SIDT1: variants seen among roughly 807,000 people sequenced by gnomAD.
SIDT1 encodes SID1 transmembrane family member 1, also known as SID1 transmembrane family, member 1.
A neutral mutation model predicts 107.5 loss-of-function variants in SIDT1; 101 were observed. The observed-to-expected ratio is 0.94, with a 90% CI of 0.80 to 1.11. The LOEUF is 1.11. Ranked by LOEUF, SIDT1 falls within the 50% of genes least tolerant of loss-of-function variation. The pLI is 0.00. For missense variants in SIDT1, 1,076 were observed against 1,058.2 expected (o/e 1.02, Z -0.23); for synonymous variants, 395 against 398.2 (o/e 0.99, Z 0.10).
In SIDT1 at chr3:113,551,952, G is replaced by A. The variant is rs190731695; in HGVS notation, c.223-14468G>A. On this transcript the variant is annotated intron_variant, in intron 1 of 24. Coordinates refer to ENST00000264852, the MANE Select transcript of SIDT1 (RefSeq NM_017699.3). Reference sequence around the variant, plus strand: ...AGCAGTTGGCCTGTCTGTTACTTCAGGGAAGTGTTATTCCTGAGAACTGGT... The same window carrying A: ...AGCAGTTGGCCTGTCTGTTACTTCAAGGAAGTGTTATTCCTGAGAACTGGT... 2.6e-5 allele frequency among the ~76,000 whole-genome samples: 4 copies of A among 152,152 alleles called. No homozygotes were observed. In the East Asian group the frequency reaches 5.8e-4, roughly 22 times the overall value.
intron 1 of SIDT1, 60 bp downstream of exon 1, chr3:113,533,303 G>A (rs2107539051): frequency 7.8e-7 from 1 of 1,284,922 alleles, no homozygotes; most frequent in East Asian, 3.1e-5. Context: ...GAGCCCCGTC[G>A]CTGCTTTGGA....
chr3:113,535,114 A>G (rs1937965679), intron 1 of SIDT1, among the ~76,000 whole-genome samples: 1 of 152,170 alleles, frequency 6.6e-6, no homozygotes, highest in South Asian at 2.1e-4. Context: ...TCTACAAAAA[A>G]TTAAAAAATT....
chr3:113,584,790 G>C lies in SIDT1; in HGVS notation c.907+21G>C, dbSNP rs764990988. On this transcript the variant is annotated intron_variant, in intron 8 of 24. Transcript: ENST00000264852. Reference sequence around the variant, plus strand: ...TAAAGGTCAGTGTTGGCTCCAGAATGCATTGAAGAGATTCCTGTGTCAGAA... The same window carrying C: ...TAAAGGTCAGTGTTGGCTCCAGAATCCATTGAAGAGATTCCTGTGTCAGAA... 7 of 1,502,446 alleles carry C rather than the reference G, an allele frequency of 4.7e-6. No homozygotes were observed. The South Asian group carries it at 8.7e-5, about 19-fold the overall frequency. 93.1% of individuals were successfully genotyped at this position (1,502,446 alleles called of 1,614,324 possible).
intron 1 of SIDT1, among the ~76,000 whole-genome samples, chr3:113,556,111 T>C (rs1375818399): frequency 1.3e-5 from 2 of 152,142 alleles, no homozygotes; most frequent in Non-Finnish European, 1.5e-5. Flanking sequence ...GGCGAGATAA[T>C]TTAAGTGATT....
At chr3:113,587,561 C>T (rs552355592) in intron 9 of SIDT1, among the ~76,000 whole-genome samples, 1 of 152,286 alleles carries the variant, frequency 6.6e-6, no homozygotes, top group East Asian at 1.9e-4. Context: ...TAGTGTCATA[C>T]TCTTCCATTT....
At chr3:113,636,646 G>A in the SIDT1 span, among the ~76,000 whole-genome samples, 2 of 152,160 alleles carry the variant, frequency 1.3e-5, no homozygotes, top group African/African-American at 2.4e-5. Flanking sequence ...TTAGTTAAAA[G>A]CTGGATGTTA....
intron 3 of SIDT1, among the ~76,000 whole-genome samples, chr3:113,576,383 G>A (rs562549220): frequency 6.6e-5 from 10 of 152,272 alleles, no homozygotes; most frequent in South Asian, 2.1e-4. Flanking sequence ...GCAGGCAATC[G>A]GGGAGCTATT....
At chr3:113,625,517 A>C (rs1946791863) in intron 23 of SIDT1, among the ~76,000 whole-genome samples, 1 of 152,098 alleles carries the variant, frequency 6.6e-6, no homozygotes, top group Non-Finnish European at 1.5e-5. Flanking sequence ...TCCCACCAAC[A>C]GTGTGTGAGA....
At position 113,615,100 on chromosome 3, in the gene SIDT1, A is replaced by T. The variant is rs147577582; in HGVS notation, c.1967-1000A>T. On this transcript the variant is annotated intron_variant, in intron 19 of 24. Coordinates refer to ENST00000264852, the MANE Select transcript of SIDT1 (RefSeq NM_017699.3). ...CAGGTAATGTTCAGCCACCCTTTCC[A>T]GGGGTCTAGATTGTTTTTGTATCAA... 4 of 1,535,044 alleles carry T rather than the reference A, an allele frequency of 2.6e-6. No homozygotes were observed. The Admixed American group carries it at 5.9e-5, about 23-fold the overall frequency.
chr3:113,549,900 T>A (rs1180240464), intron 1 of SIDT1, among the ~76,000 whole-genome samples: 1 of 152,240 alleles, frequency 6.6e-6, no homozygotes, highest in Non-Finnish European at 1.5e-5. Flanking sequence ...TAATCCATTA[T>A]GAGTTAATTT....
intron 1 of SIDT1, 33 bp from the exon 2 acceptor site, chr3:113,566,387 T>C: frequency 1.2e-6 from 2 of 1,606,066 alleles, no homozygotes; most frequent in Non-Finnish European, 1.7e-6. Context: ...CATGTGCACG[T>C]TTTGCATTAC....
chr3:113,601,727 T>C lies in SIDT1; in HGVS notation c.1117+68T>C, dbSNP rs202203629. 7.9e-4 allele frequency: 848 copies of C among 1,079,830 alleles called. 7 individuals carry two copies. The highest frequency in any genetic ancestry group is 3.6e-3 in the Admixed American group (160 of 44,586). The allele number at this position is 1,079,830 out of a possible 1,614,324, so 66.9% of individuals were successfully genotyped here. A position where few individuals can be genotyped will look rare whatever the true frequency, so the allele number is the denominator to read the frequency against. Reference sequence around the variant, plus strand: ...TGCAGAGAATATGATAGAAAGGCATTCCAGCCACTAATAACTGGGAATGTG... The same window carrying C: ...TGCAGAGAATATGATAGAAAGGCATCCCAGCCACTAATAACTGGGAATGTG... On this transcript the variant is annotated intron_variant, in intron 11 of 24. Coordinates refer to ENST00000264852, the MANE Select transcript of SIDT1 (RefSeq NM_017699.3).
chr3:113,561,026 CTTG>C (rs1941381892), intron 1 of SIDT1, among the ~76,000 whole-genome samples: 1 of 152,168 alleles, frequency 6.6e-6, no homozygotes, highest in African/African-American at 2.4e-5. Context: ...TAAAAGTGTT[CTTG>C]TTGTCATGAC....
At chr3:113,573,664 A>T (rs976859630) in intron 3 of SIDT1, among the ~76,000 whole-genome samples, 4 of 152,156 alleles carry the variant, frequency 2.6e-5, no homozygotes, top group Middle Eastern at 6.3e-3. Context: ...AGCCCTTGTG[A>T]ATGGGATTAA....
chr3:113,591,052 G>T (rs758919656), intron 9 of SIDT1, among the ~76,000 whole-genome samples: 3 of 152,176 alleles, frequency 2.0e-5, no homozygotes, highest in East Asian at 1.9e-4. Context: ...GAGACAAAAA[G>T]GTCAAAGGCA....
At chr3:113,538,089 G>A (rs1023736212) in intron 1 of SIDT1, among the ~76,000 whole-genome samples, 3 of 152,088 alleles carry the variant, frequency 2.0e-5, no homozygotes, top group African/African-American at 2.4e-5. Flanking sequence ...GGCCTCATGC[G>A]TCTTCTTATA....
intron 3 of SIDT1, among the ~76,000 whole-genome samples, chr3:113,576,450 T>C (rs956620296): frequency 1.3e-5 from 2 of 152,152 alleles, no homozygotes; most frequent in African/African-American, 4.8e-5. Flanking sequence ...GGTTATCTAT[T>C]CACTGTGTTT....
At chr3:113,560,096 A>G (rs964350496) in intron 1 of SIDT1, among the ~76,000 whole-genome samples, 3 of 152,052 alleles carry the variant, frequency 2.0e-5, no homozygotes, top group Admixed American at 2.0e-4. Context: ...CATCATGTCT[A>G]TCTCAGGCTC....
chr3:113,567,993 G>T, intron 3 of SIDT1: 1 of 302,876 alleles, frequency 3.3e-6, no homozygotes, highest in Non-Finnish European at 6.0e-6. Context: ...AAGAATGACT[G>T]GTGACTAAAT....
Sources: gnomAD v4.1 joint callset for allele counts (sites outside exome capture counted in the v4.1 genomes callset) on GRCh38, gnomAD v4.1.1 for gene constraint, MANE v1.5 for transcripts, NCBI Gene and HGNC (gene_info 2026-07-23, HGNC 2026-07-21) for gene names.